SRFBP1: variants seen among roughly 807,000 people sequenced by gnomAD.
SRFBP1 encodes serum response factor-binding protein 1.
Under a neutral mutation model 45.5 loss-of-function variants are expected in SRFBP1, and 47 were observed. That is an observed-to-expected ratio of 1.03 (90% CI 0.82 to 1.32). SRFBP1 has a LOEUF of 1.32. Among genes scored for constraint, SRFBP1 ranks in the 40% most tolerant of loss-of-function variants. The pLI is 0.00. For synonymous variants in SRFBP1, 203 were observed against 166.3 expected (o/e 1.22, Z -1.70); for missense variants, 621 against 484.6 (o/e 1.28, Z -2.64).
At chr5:122,073,291 A>G (rs1384430477) in intron 2 of SRFBP1, among the ~76,000 whole-genome samples, 1 of 152,234 alleles carries the variant, frequency 6.6e-6, no homozygotes, top group African/African-American at 2.4e-5. Context: ...CAATGATAAA[A>G]CATGCAAACT....
At chr5:122,038,664 A>G (rs1044902922) in intron 2 of SRFBP1, among the ~76,000 whole-genome samples, 3 of 152,258 alleles carry the variant, frequency 2.0e-5, no homozygotes, top group Non-Finnish European at 2.9e-5. Flanking sequence ...CCTTTAAGGC[A>G]TAAGGACAAA....
chr5:122,041,926 T>G (rs1269525265), intron 2 of SRFBP1, among the ~76,000 whole-genome samples: 1 of 152,208 alleles, frequency 6.6e-6, no homozygotes, highest in Non-Finnish European at 1.5e-5. Context: ...TAGCATGAAA[T>G]TCACTTTTAA....
chr5:122,059,286 T>C (rs1754134142), intron 2 of SRFBP1, among the ~76,000 whole-genome samples: 1 of 152,082 alleles, frequency 6.6e-6, no homozygotes, highest in Non-Finnish European at 1.5e-5. Context: ...TGGAGAAAGT[T>C]ATTTTCTTGA....
At chr5:121,975,989 AG>A (rs1752294937) in intron 3 of SRFBP1, among the ~76,000 whole-genome samples, 1 of 151,892 alleles carries the variant, frequency 6.6e-6, no homozygotes, top group African/African-American at 2.4e-5. Flanking sequence ...AATGTCTGGG[AG>A]ACTGTTTTAC....
chr5:122,028,839 C>G (rs2112718642), downstream of SRFBP1, among the ~76,000 whole-genome samples: 1 of 152,166 alleles, frequency 6.6e-6, no homozygotes, highest in Admixed American at 6.5e-5. Context: ...TGAGTCTGTC[C>G]AAGACTTTTT....
intron 4 of SRFBP1, among the ~76,000 whole-genome samples, chr5:122,005,244 T>C (rs968323981): frequency 6.6e-6 from 1 of 152,136 alleles, no homozygotes; most frequent in Non-Finnish European, 1.5e-5. Flanking sequence ...AAGTGGAGTA[T>C]TGAAGTCCTC....
intron 3 of SRFBP1, among the ~76,000 whole-genome samples, chr5:121,985,689 C>A (rs919532101): frequency 6.6e-6 from 1 of 151,808 alleles, no homozygotes; most frequent in Non-Finnish European, 1.5e-5. Context: ...ACTTCAGTAT[C>A]CATTCTTTCA....
intron 2 of SRFBP1, among the ~76,000 whole-genome samples, chr5:122,048,052 G>C (rs577750216): frequency 6.6e-6 from 1 of 152,180 alleles, no homozygotes; most frequent in Non-Finnish European, 1.5e-5. Context: ...TCTCCTGCCT[G>C]ATTGCCCTGC....
At chr5:121,974,050 G>T in intron 1 of SRFBP1, 146 bp from the exon 2 acceptor site, 1 of 553,416 alleles carries the variant, frequency 1.8e-6, no homozygotes, top group South Asian at 2.4e-5. Flanking sequence ...TATGGAAGAG[G>T]TTTGATTTCA....
downstream of SRFBP1, among the ~76,000 whole-genome samples, chr5:122,029,861 C>T (rs1753562402): frequency 6.6e-6 from 1 of 152,180 alleles, no homozygotes; most frequent in South Asian, 2.1e-4. Flanking sequence ...TATTTTAGTG[C>T]TCAAATTCTA....
intron 2 of SRFBP1, among the ~76,000 whole-genome samples, chr5:122,038,256 G>T (rs1273223338): frequency 6.6e-6 from 1 of 152,172 alleles, no homozygotes; most frequent in Non-Finnish European, 1.5e-5. Context: ...ACTCCTATAG[G>T]GGTGGGGGAC....
intron 4 of SRFBP1, among the ~76,000 whole-genome samples, chr5:122,000,146 A>G (rs1378911410): frequency 6.6e-6 from 1 of 152,018 alleles, no homozygotes; most frequent in Non-Finnish European, 1.5e-5. Flanking sequence ...CCTTTAATTA[A>G]CCAAAATCTG....
intron 1 of SRFBP1, among the ~76,000 whole-genome samples, chr5:121,969,539 C>T (rs546066667): frequency 3.9e-5 from 6 of 152,064 alleles, no homozygotes; most frequent in Admixed American, 2.0e-4. Flanking sequence ...TATTAGACTT[C>T]CACTTTATTT....
intron 2 of SRFBP1, among the ~76,000 whole-genome samples, chr5:122,070,939 G>A (rs1170242930): frequency 6.6e-6 from 1 of 152,098 alleles, no homozygotes; most frequent in East Asian, 1.9e-4. Flanking sequence ...TAGCTCAAAT[G>A]TCCTCTTCTC....
At chr5:122,003,240 G>C (rs1352149245) in intron 4 of SRFBP1, among the ~76,000 whole-genome samples, 1 of 151,762 alleles carries the variant, frequency 6.6e-6, no homozygotes, top group Non-Finnish European at 1.5e-5. Context: ...AACTACTCAG[G>C]AGGCTACACT....
At chr5:121,964,273 G>A (rs1017475216) in intron 1 of SRFBP1, among the ~76,000 whole-genome samples, 1 of 151,986 alleles carries the variant, frequency 6.6e-6, no homozygotes, top group African/African-American at 2.4e-5. Context: ...GTATACATGT[G>A]CCATGGTGGT....
chr5:122,023,667 T>C (rs1753410418), intron 7 of SRFBP1, among the ~76,000 whole-genome samples: 1 of 152,172 alleles, frequency 6.6e-6, no homozygotes, highest in Non-Finnish European at 1.5e-5. Context: ...CTGAGGTGGG[T>C]ATTTAACATG....
At chr5:122,078,014 G>A (rs895776127), downstream of SRFBP1, 10 of 1,439,172 alleles carry the variant, frequency 6.9e-6, no homozygotes, top group Middle Eastern at 1.9e-4. Flanking sequence ...GACCCCGCTC[G>A]AGGAGGACGT....
intron 4 of SRFBP1, among the ~76,000 whole-genome samples, chr5:122,000,948 C>T (rs111873914): frequency 9.7e-4 from 147 of 152,194 alleles, no homozygotes; most frequent in African/African-American, 3.4e-3. Flanking sequence ...CATTATCATT[C>T]TCTCTGCCTT....
Sources: gnomAD v4.1 joint callset for allele counts (sites outside exome capture counted in the v4.1 genomes callset) on GRCh38, gnomAD v4.1.1 for gene constraint, MANE v1.5 for transcripts, NCBI Gene and HGNC (gene_info 2026-07-23, HGNC 2026-07-21) for gene names.